The following UBAC2 variants were observed in gnomAD, a reference collection of about 807,000 sequenced individuals.
UBAC2 encodes the protein ubiquitin-associated domain-containing protein 2.
In UBAC2, 26 loss-of-function variants were observed where a neutral mutation model predicts 44.0. The observed-to-expected ratio is 0.59, with a 90% CI of 0.43 to 0.82. The LOEUF is 0.82. Among genes scored for constraint, UBAC2 ranks in the 40% least tolerant of loss-of-function variants. The pLI is 0.00. For missense variants in UBAC2, 329 were observed against 419.4 expected, an observed-to-expected ratio of 0.78 and a Z score of 1.88; for synonymous variants, 155 against 154.3, an observed-to-expected ratio of 1.00 and a Z score of -0.04.
intron 7 of UBAC2, among the ~76,000 whole-genome samples, chr13:99,357,680 T>G (rs926831594): frequency 6.6e-6 from 1 of 152,202 alleles, no homozygotes; most frequent in African/African-American, 2.4e-5. Context: ...TCCTGGTTCT[T>G]GTATTAGAAG....
chr13:99,235,387 C>G, intron 1 of UBAC2, among the ~76,000 whole-genome samples: 1 of 152,072 alleles, frequency 6.6e-6, no homozygotes. Flanking sequence ...ATGCAATCCT[C>G]TCAAAATATC....
At chr13:99,309,959 G>T (rs1023686646) in intron 4 of UBAC2, among the ~76,000 whole-genome samples, 1 of 152,198 alleles carries the variant, frequency 6.6e-6, no homozygotes, top group Non-Finnish European at 1.5e-5. Context: ...CCTTAACAAG[G>T]TGTCTCTGTT....
chr13:99,367,714 A>G lies in UBAC2; in HGVS notation c.808-73A>G, dbSNP rs1337718322. 8 of 1,596,068 alleles carry G rather than the reference A, an allele frequency of 5.0e-6. No homozygotes were observed. In the East Asian group the frequency reaches 1.8e-4, roughly 36 times the overall value. ...AGTCTATAGATGTAACTGCATTGAG[A>G]GAAAGCTCTTCCAAGCATTATGATG... On this transcript the variant is annotated intron_variant, in intron 7 of 8. Transcript: ENST00000403766.
At chr13:99,286,823 G>A (rs1757445992) in intron 4 of UBAC2, among the ~76,000 whole-genome samples, 1 of 152,190 alleles carries the variant, frequency 6.6e-6, no homozygotes, top group Non-Finnish European at 1.5e-5. Flanking sequence ...CCCCTCACAT[G>A]TAACCTTAGA....
intron 1 of UBAC2, among the ~76,000 whole-genome samples, chr13:99,233,489 C>T (rs962244782): frequency 2.3e-4 from 35 of 152,116 alleles, no homozygotes; most frequent in African/African-American, 7.5e-4. Context: ...TTGGGCAGGG[C>T]GGGTATAGGT....
intron 4 of UBAC2, among the ~76,000 whole-genome samples, chr13:99,299,533 C>T (rs886503515): frequency 4.6e-5 from 7 of 151,990 alleles, no homozygotes; most frequent in Admixed American, 3.9e-4. Context: ...GGGCTTTACT[C>T]ATATATTCTA....
chr13:99,384,702 C>CAGGAGTGTGATGCCAGGGCT (rs2045595343), intron 8 of UBAC2, among the ~76,000 whole-genome samples: 1 of 31,710 alleles, frequency 3.2e-5, no homozygotes, highest in Admixed American at 3.9e-4. Context: ...ATGCCAGGGC[C>CAGGAGTGTGATGCCAGGGCT]GAGCATGGCA....
chr13:99,204,675 C>T (rs530430597), intron 1 of UBAC2, among the ~76,000 whole-genome samples: 1 of 151,916 alleles, frequency 6.6e-6, no homozygotes, highest in Non-Finnish European at 1.5e-5. Context: ...GCCTGAAGCG[C>T]GACCTGTGGG....
Position 99,262,710 on chromosome 13 carries a change from C to CAA in UBAC2, c.389+18115_389+18116dup, listed in dbSNP as rs61627160. ...TGGGCAACAGAGCAGAACTCCCTCT[C>CAA]AAAAAAAAAAAAAAAAAAAAAAAAA... On this transcript the variant is annotated intron_variant, in intron 4 of 8. Transcript: ENST00000403766. Among the ~76,000 whole-genome samples the CAA allele has an allele frequency of 6.1e-4, 35 of 57,160 alleles. 2 individuals are homozygous for CAA. Among genetic ancestry groups the CAA allele is most frequent in the African/African-American group, 1.2e-3 (17 of 14,110 alleles). The allele number at this position is 57,160 out of a possible 152,430, so 37.5% of individuals were successfully genotyped here. A position where few individuals can be genotyped will look rare whatever the true frequency, so the allele number is the denominator to read the frequency against.
Position 99,314,215 on chromosome 13 carries a change from C to CTTT in UBAC2, c.509_510insTTT (p.Leu170dup). On this transcript the variant is annotated inframe_insertion, in exon 5 of 9. Coordinates refer to ENST00000403766, the MANE Select transcript of UBAC2 (RefSeq NM_001144072.2). The stretch of plus-strand genomic sequence containing the variant: ...CAAGACATTGATTTATATATTGGGA[C>CTTT]TGCAGGTACAGTATGCATTTTTATG... The CTTT allele has an allele frequency of 6.2e-7, 1 of 1,605,630 alleles. No individual in the cohort carries two copies. The highest frequency in any genetic ancestry group is 8.5e-7 in the Non-Finnish European group (1 of 1,177,100).
At chr13:99,385,184 G>A in intron 8 of UBAC2, 44 bp from the exon 9 acceptor site, 1 of 1,415,814 alleles carries the variant, frequency 7.1e-7, no homozygotes. Context: ...GGGATAAGCG[G>A]CAATGTCAGC....
At chr13:99,370,352 G>A (rs920569988) in intron 8 of UBAC2, among the ~76,000 whole-genome samples, 4 of 152,126 alleles carry the variant, frequency 2.6e-5, no homozygotes, top group Non-Finnish European at 5.9e-5. Context: ...TGGTTAAGGA[G>A]GAATCAAGAG....
rs150612287 is a variant in UBAC2 at position 99,254,926 on chromosome 13, C to A, written c.389+10302C>A. 1.5e-5 allele frequency: 25 copies of A among 1,613,870 alleles called. No individual in the cohort carries two copies. The highest frequency in any genetic ancestry group is 2.2e-5 in the East Asian group (1 of 44,896). Reference sequence around the variant, plus strand: ...GCTTAGTGACCGTAGACTACCAGATCGGAAACTTTTTCTGCGCATGCTTCG... The same window carrying A: ...GCTTAGTGACCGTAGACTACCAGATAGGAAACTTTTTCTGCGCATGCTTCG... On this transcript the variant is annotated intron_variant, in intron 4 of 8. Coordinates refer to ENST00000403766, the MANE Select transcript of UBAC2 (RefSeq NM_001144072.2).
chr13:99,307,530 C>T (rs2044353948), intron 4 of UBAC2: 1 of 150,224 alleles, frequency 6.7e-6, no homozygotes, highest in African/African-American at 2.5e-5. Context: ...CGTGTGTGCA[C>T]TTTGTGTTTT....
intron 4 of UBAC2, chr13:99,307,471 T>TC (rs999979436): frequency 3.3e-5 from 5 of 152,174 alleles, no homozygotes; most frequent in African/African-American, 1.2e-4. Flanking sequence ...ACTTTTTTTT[T>TC]CTCTGTCACC....
At chr13:99,370,977 T>C (rs1254389645) in intron 8 of UBAC2, among the ~76,000 whole-genome samples, 1 of 152,158 alleles carries the variant, frequency 6.6e-6, no homozygotes, top group African/African-American at 2.4e-5. Flanking sequence ...AAAAGAAATA[T>C]CAAAATTCCG....
chr13:99,330,388 C>T (rs2044698377), intron 6 of UBAC2, among the ~76,000 whole-genome samples: 1 of 125,224 alleles, frequency 8.0e-6, no homozygotes, highest in Admixed American at 1.1e-4. Context: ...GAACCTGGGA[C>T]GCCGAGGTTG....
At chr13:99,385,012 G>C (rs1479095333) in intron 8 of UBAC2, among the ~76,000 whole-genome samples, 1 of 152,238 alleles carries the variant, frequency 6.6e-6, no homozygotes, top group African/African-American at 2.4e-5. Flanking sequence ...TGAGGGTTAT[G>C]TGCGATCATG....
chr13:99,265,267 T>C (rs1475292576), intron 4 of UBAC2, among the ~76,000 whole-genome samples: 1 of 152,252 alleles, frequency 6.6e-6, no homozygotes, highest in Non-Finnish European at 1.5e-5. Context: ...GTTTATGACT[T>C]TCAGCTCATA....
Sources: allele counts gnomAD v4.1 joint callset (sites outside exome capture counted in the v4.1 genomes callset), GRCh38; gene constraint gnomAD v4.1.1; transcripts MANE v1.5; gene names NCBI Gene and HGNC (gene_info 2026-07-23, HGNC 2026-07-21).